Variants in C3orf33 observed in about 807,000 individuals in gnomAD.
The protein encoded by C3orf33 is AP-1 activity suppressor.
C3orf33 carries 23 observed loss-of-function variants against 28.7 expected under a neutral mutation model. The observed-to-expected ratio is 0.80, with a 90% CI of 0.58 to 1.13. The LOEUF (loss-of-function observed/expected upper bound fraction) is 1.13, where lower values mean the gene tolerates loss of function less well. Among genes scored for constraint, C3orf33 ranks in the 50% most tolerant of loss-of-function variants. The probability of loss-of-function intolerance (pLI) is 0.00; values close to 1 mark genes in which losing one functional copy is unlikely to be tolerated. For synonymous variants in C3orf33, 119 were observed against 120.5 expected, an observed-to-expected ratio of 0.99 and a Z score of 0.08; for missense variants, 327 against 353.4, an observed-to-expected ratio of 0.93 and a Z score of 0.60.
At chr3:155,794,277 G>A (rs574280073) in intron 2 of C3orf33, among the ~76,000 whole-genome samples, 6 of 152,152 alleles carry the variant, frequency 3.9e-5, no homozygotes, top group Admixed American at 2.0e-4. Flanking sequence ...CACTGCACCC[G>A]GCCTAGTTTG....
At position 155,794,447 on chromosome 3, in the gene C3orf33, G is replaced by A. The variant is rs577987163; in HGVS notation, c.174+8085C>T. On this transcript the variant is annotated intron_variant, in intron 2 of 4. Coordinates refer to ENST00000340171, the MANE Select transcript of C3orf33 (RefSeq NM_001308229.2). ...CAAGAGAAAATCATCTTTAGTAAGA[G>A]GAAGATAGGAAGGATGGAAAAAAGG... 2.7e-4 allele frequency among the ~76,000 whole-genome samples: 41 copies of A among 151,770 alleles called. No individual in the cohort carries two copies. The South Asian group carries it at 2.9e-3, about 11-fold the overall frequency.
At chr3:155,789,848 C>T (rs962115336) in intron 2 of C3orf33, among the ~76,000 whole-genome samples, 1 of 152,078 alleles carries the variant, frequency 6.6e-6, no homozygotes, top group Non-Finnish European at 1.5e-5. Context: ...AGGGTGCCAA[C>T]ACCACTCAAT....
intron 2 of C3orf33, among the ~76,000 whole-genome samples, chr3:155,779,944 A>G (rs763508612): frequency 1.3e-5 from 2 of 152,216 alleles, no homozygotes; most frequent in Non-Finnish European, 2.9e-5. Flanking sequence ...ATTCCATTGC[A>G]TCCATTTATT....
rs1158751932 is a variant in C3orf33, at chr3:155,763,681, T to G, written c.721A>C (p.Ser241Arg). The G allele has an allele frequency of 3.1e-6, 5 of 1,594,430 alleles. No individual in the cohort carries two copies. The East Asian group carries it at 1.1e-4, about 36-fold the overall frequency. The change falls in exon 5 of 5, where the codon AGT becomes CGT. Residue 241 changes from serine (S) to arginine (R), a missense_variant. Physicochemically the swap from Ser to Arg is moderately radical, Grantham distance 110 (BLOSUM62 -1). Transcript: ENST00000340171. The part of the protein sequence containing the change: ...DSWREIWKKD[S>R]FLKTTGSDFS... Reference sequence around the variant, plus strand: ...TCTGATCCTGTTGTTTTTAAAAAACTGTCCTTTTTCCATATTTCTCTCCAG... The same window carrying G: ...TCTGATCCTGTTGTTTTTAAAAAACGGTCCTTTTTCCATATTTCTCTCCAG...
Position 155,775,683 on chromosome 3 carries a change from A to T in C3orf33, c.322+18T>A. The T allele has an allele frequency of 1.4e-6, 2 of 1,480,750 alleles. No homozygotes were observed. Among genetic ancestry groups the T allele is most frequent in the Non-Finnish European group, 1.8e-6 (2 of 1,085,670 alleles). The allele number at this position is 1,480,750 out of a possible 1,614,324, so 91.7% of individuals were successfully genotyped here. On this transcript the variant is annotated intron_variant, in intron 3 of 4. Transcript: ENST00000340171. ...AAGACCACAATAGTTAGTTTCATTA[A>T]TCTTGTACCTTACTTACTTCTCAAT...
At position 155,763,627 on chromosome 3, in the gene C3orf33, CATA is replaced by C. The variant is rs1750303882; in HGVS notation, c.772_774del (p.Tyr258del). 1 of 1,594,756 alleles carries C rather than the reference CATA, an allele frequency of 6.3e-7. No individual in the cohort carries two copies. Among genetic ancestry groups the C allele is most frequent in the South Asian group, 1.2e-5 (1 of 85,408 alleles). ...ATTTCATAAGTCCTTTTAAGTTTTT[CATA>C]ATAACTTTCTTTTTTCAAGCTGAAA... On this transcript the variant is annotated inframe_deletion, in exon 5 of 5. Coordinates refer to ENST00000340171, the MANE Select transcript of C3orf33 (RefSeq NM_001308229.2).
At chr3:155,778,141 C>CAAAAAAAA (rs55700532) in intron 2 of C3orf33, among the ~76,000 whole-genome samples, 12 of 75,778 alleles carry the variant, frequency 1.6e-4, no homozygotes, top group East Asian at 4.7e-4. Context: ...AACTCCATTT[C>CAAAAAAAA]AAAAAAAAAA....
intron 2 of C3orf33, among the ~76,000 whole-genome samples, chr3:155,793,557 C>G (rs1296933149): frequency 6.6e-6 from 1 of 151,934 alleles, no homozygotes; most frequent in Non-Finnish European, 1.5e-5. Flanking sequence ...CACCTGTAAT[C>G]TCAGCACTTT....
intron 2 of C3orf33, among the ~76,000 whole-genome samples, chr3:155,793,854 G>T (rs1452041951): frequency 7.5e-6 from 1 of 132,872 alleles, no homozygotes; most frequent in Admixed American, 8.0e-5. Flanking sequence ...AACTAAAACA[G>T]CTTTTCTAGA....
At chr3:155,768,271 CAT>C (rs1368877803) in intron 3 of C3orf33, among the ~76,000 whole-genome samples, 2 of 152,190 alleles carry the variant, frequency 1.3e-5, no homozygotes, top group Non-Finnish European at 2.9e-5. Flanking sequence ...TATTTTTACA[CAT>C]ACACACATAA....
At chr3:155,793,746 T>C (rs1751383759) in intron 2 of C3orf33, among the ~76,000 whole-genome samples, 1 of 137,510 alleles carries the variant, frequency 7.3e-6, no homozygotes, top group African/African-American at 2.6e-5. Flanking sequence ...AGAGGCAGAG[T>C]TTGCAGTGAG....
At chr3:155,781,815 T>C (rs1056607306) in intron 2 of C3orf33, among the ~76,000 whole-genome samples, 1 of 143,884 alleles carries the variant, frequency 7.0e-6, no homozygotes, top group African/African-American at 2.6e-5. Context: ...CGGTGGCTCA[T>C]GCCTGTAATC....
At chr3:155,803,415 A>C (rs1751710504) in intron 1 of C3orf33, among the ~76,000 whole-genome samples, 1 of 151,832 alleles carries the variant, frequency 6.6e-6, no homozygotes, top group Non-Finnish European at 1.5e-5. Flanking sequence ...AATACAAAAA[A>C]TTAGCCGGGC....
chr3:155,785,415 A>T (rs1046964041), intron 2 of C3orf33, among the ~76,000 whole-genome samples: 2 of 152,196 alleles, frequency 1.3e-5, no homozygotes, highest in African/African-American at 4.8e-5. Flanking sequence ...ATTATTCTCA[A>T]ATGTACATGG....
At chr3:155,766,326 G>A (rs925370644) in intron 4 of C3orf33, among the ~76,000 whole-genome samples, 4 of 152,220 alleles carry the variant, frequency 2.6e-5, no homozygotes, top group African/African-American at 7.2e-5. Context: ...CAACAAAGAT[G>A]AAACTGTCAC....
intron 1 of C3orf33, among the ~76,000 whole-genome samples, chr3:155,803,830 C>T (rs1205847486): frequency 6.6e-6 from 1 of 151,826 alleles, no homozygotes; most frequent in Non-Finnish European, 1.5e-5. Context: ...TGCAGTGAGC[C>T]GAGATTGTGC....
chr3:155,794,220 A>T (rs1461182432), intron 2 of C3orf33, among the ~76,000 whole-genome samples: 1 of 152,060 alleles, frequency 6.6e-6, no homozygotes, highest in East Asian at 1.9e-4. Flanking sequence ...ACCTCAGGTG[A>T]TCCACCTGCC....
Position 155,797,830 on chromosome 3 carries a change from G to A in C3orf33, c.174+4702C>T, listed in dbSNP as rs576897633. 2.0e-5 allele frequency among the ~76,000 whole-genome samples: 3 copies of A among 152,282 alleles called. No individual in the cohort carries two copies. In the East Asian group the frequency reaches 5.8e-4, roughly 29 times the overall value. On this transcript the variant is annotated intron_variant, in intron 2 of 4. Coordinates refer to ENST00000340171, the MANE Select transcript of C3orf33 (RefSeq NM_001308229.2). ...TCATGCCTGTAATCCCAGCACTTTG[G>A]GAGGCCGAGGTGGGCAGATCACTTG...
chr3:155,769,672 A>G (rs1421099323), intron 3 of C3orf33, among the ~76,000 whole-genome samples: 1 of 152,200 alleles, frequency 6.6e-6, no homozygotes, highest in African/African-American at 2.4e-5. Context: ...TCCCTCTCCA[A>G]TCCTGTAATG....
Sources: allele counts gnomAD v4.1 joint callset (sites outside exome capture counted in the v4.1 genomes callset), GRCh38; gene constraint gnomAD v4.1.1; transcripts MANE v1.5; gene names NCBI Gene and HGNC (gene_info 2026-07-23, HGNC 2026-07-21).